Variants in PLCB1 observed in about 807,000 individuals in gnomAD.
PLCB1 encodes 1-phosphatidylinositol 4,5-bisphosphate phosphodiesterase beta-1.
In PLCB1, 46 loss-of-function variants were observed where a neutral mutation model predicts 161.8. The observed-to-expected ratio is 0.28, with a 90% CI of 0.22 to 0.36. The LOEUF (loss-of-function observed/expected upper bound fraction) is 0.36, where lower values mean the gene tolerates loss of function less well. PLCB1 is among the 10% of genes least tolerant of loss of function. PLCB1 has a pLI of 1.00. For missense variants in PLCB1, 1,016 were observed against 1,472.5 expected (o/e 0.69, Z 5.07); for synonymous variants, 517 against 503.7 (o/e 1.03, Z -0.35).
rs368814858 is a variant in PLCB1, at chr20:8,795,360, ATGT to A, written c.3423+5103_3423+5105del. Among the ~76,000 whole-genome samples the A allele has an allele frequency of 2.4e-3, 362 of 152,340 alleles. 1 individual carries two copies. Among genetic ancestry groups the A allele is most frequent in the African/African-American group, 8.3e-3 (345 of 41,578 alleles). ...TTTGGCCTCAATTTGACACAAAATG[ATGT>A]TGTACATTGCTGCACATAAGTCCCA... On this transcript the variant is annotated intron_variant, in intron 31 of 31. Coordinates refer to ENST00000338037, the MANE Select transcript of PLCB1 (RefSeq NM_015192.4).
At chr20:8,356,726 A>T (rs1986373512) in intron 2 of PLCB1, among the ~76,000 whole-genome samples, 1 of 152,188 alleles carries the variant, frequency 6.6e-6, no homozygotes, top group Non-Finnish European at 1.5e-5. Context: ...ATCTGACTTG[A>T]AATTGAAAAC....
intron 3 of PLCB1, among the ~76,000 whole-genome samples, chr20:8,617,490 A>G (rs1302009268): frequency 6.6e-6 from 1 of 152,094 alleles, no homozygotes; most frequent in Non-Finnish European, 1.5e-5. Context: ...GTGGCTTGAA[A>G]TTGGCTATGT....
chr20:8,423,290 T>TGAATAAAG (rs1392226801), intron 3 of PLCB1, among the ~76,000 whole-genome samples: 1 of 152,196 alleles, frequency 6.6e-6, no homozygotes, highest in Non-Finnish European at 1.5e-5. Context: ...ACTGAATGAA[T>TGAATAAAG]GAATAAAGGA....
At chr20:8,761,983 G>GGGT (rs915541542) in intron 25 of PLCB1, among the ~76,000 whole-genome samples, 4 of 151,598 alleles carry the variant, frequency 2.6e-5, no homozygotes, top group Admixed American at 1.3e-4. Flanking sequence ...CCAAGGGGGG[G>GGGT]GCGGATCACC....
At chr20:8,487,589 T>G (rs967277693) in intron 3 of PLCB1, among the ~76,000 whole-genome samples, 3 of 152,174 alleles carry the variant, frequency 2.0e-5, no homozygotes, top group Non-Finnish European at 4.4e-5. Flanking sequence ...GTGGCTGGGA[T>G]TCTTCAACAC....
intron 9 of PLCB1, among the ~76,000 whole-genome samples, chr20:8,670,180 T>C (rs1441514065): frequency 6.6e-6 from 1 of 152,222 alleles, no homozygotes; most frequent in African/African-American, 2.4e-5. Context: ...TCTGTTCTTA[T>C]CTTTCTATGT....
At chr20:8,509,025 C>A (rs1348982828) in intron 3 of PLCB1, among the ~76,000 whole-genome samples, 1 of 152,128 alleles carries the variant, frequency 6.6e-6, no homozygotes, top group Non-Finnish European at 1.5e-5. Context: ...GGAGGGCAGA[C>A]CACTCCGTCC....
intron 2 of PLCB1, among the ~76,000 whole-genome samples, chr20:8,313,136 T>C (rs1430048057): frequency 1.3e-5 from 2 of 152,292 alleles, no homozygotes; most frequent in African/African-American, 2.4e-5. Flanking sequence ...TTTTTTAATA[T>C]AATGGGATGC....
rs182013705 is a variant in PLCB1 at position 8,469,200 on chromosome 20, G to A, written c.246+97750G>A. Among the ~76,000 whole-genome samples the A allele has an allele frequency of 8.5e-4, 129 of 152,240 alleles. 1 individual carries two copies. The highest frequency in any genetic ancestry group is 2.9e-3 in the African/African-American group (121 of 41,552). The stretch of plus-strand genomic sequence containing the variant: ...AGGACTGAAGTATGAAATAATAGAA[G>A]CCTCCCTAAGGTGGTTTATATCCTG... On this transcript the variant is annotated intron_variant, in intron 3 of 31. Transcript: ENST00000338037.
chr20:8,717,621 C>A (rs1979394257), intron 13 of PLCB1, 50 bp from the exon 14 acceptor site: 2 of 1,451,960 alleles, frequency 1.4e-6, no homozygotes, highest in Non-Finnish European at 1.9e-6. Flanking sequence ...GGGAGGGGAT[C>A]TGAAAGAGGG....
At chr20:8,364,331 T>C (rs370921149) in intron 2 of PLCB1, among the ~76,000 whole-genome samples, 1 of 151,986 alleles carries the variant, frequency 6.6e-6, no homozygotes, top group East Asian at 1.9e-4. Flanking sequence ...GCCAAATACT[T>C]TGGAAGTAGG....
At chr20:8,785,069 G>C (rs1448129220) in intron 27 of PLCB1, among the ~76,000 whole-genome samples, 1 of 151,806 alleles carries the variant, frequency 6.6e-6, no homozygotes, top group Non-Finnish European at 1.5e-5. Context: ...ACATACAAAA[G>C]GTATGTCTGT....
At chr20:8,512,576 A>G (rs1983933667) in intron 3 of PLCB1, among the ~76,000 whole-genome samples, 1 of 151,940 alleles carries the variant, frequency 6.6e-6, no homozygotes, top group Non-Finnish European at 1.5e-5. Flanking sequence ...TTTTTAATTG[A>G]TAAATAATAA....
intron 31 of PLCB1, among the ~76,000 whole-genome samples, chr20:8,848,558 C>T (rs919633284): frequency 6.6e-6 from 1 of 152,204 alleles, no homozygotes; most frequent in Non-Finnish European, 1.5e-5. Context: ...ATGCCAGAAA[C>T]CTGGGACAAA....
rs189287307 is a variant in PLCB1 at position 8,883,751 on chromosome 20, G to T, written c.*1902G>T. ...GGAAAATCACATCCTCTTTGGAGAT[G>T]ATTATATTTTGATCTGAAGGGTTTG... On this transcript the variant is annotated 3_prime_UTR_variant, in exon 32 of 32. Transcript: ENST00000338037. 1.3e-5 allele frequency: 2 copies of T among 152,458 alleles called. No homozygotes were observed. Among genetic ancestry groups the T allele is most frequent in the African/African-American group, 2.4e-5 (1 of 41,504 alleles). The allele number at this position is 152,458 out of a possible 1,614,324, so 9.4% of individuals were successfully genotyped here. A position where few individuals can be genotyped will look rare whatever the true frequency, so the allele number is the denominator to read the frequency against.
intron 3 of PLCB1, among the ~76,000 whole-genome samples, chr20:8,506,836 G>C (rs970938378): frequency 2.6e-5 from 4 of 152,068 alleles, no homozygotes; most frequent in African/African-American, 9.7e-5. Flanking sequence ...TATTGGAATT[G>C]TACTTTTTAA....
chr20:8,582,671 C>T (rs1162834164), intron 3 of PLCB1, among the ~76,000 whole-genome samples: 1 of 152,054 alleles, frequency 6.6e-6, no homozygotes, highest in Non-Finnish European at 1.5e-5. Context: ...TATATCCATA[C>T]AATGTAATAT....
At chr20:8,861,937 C>G (rs1052923865) in intron 31 of PLCB1, among the ~76,000 whole-genome samples, 3 of 152,056 alleles carry the variant, frequency 2.0e-5, no homozygotes, top group Non-Finnish European at 4.4e-5. Flanking sequence ...TATTGGAAAA[C>G]ATTGAAAACA....
chr20:8,672,346 A>G (rs1989967764), intron 9 of PLCB1, among the ~76,000 whole-genome samples: 2 of 152,178 alleles, frequency 1.3e-5, no homozygotes, highest in Admixed American at 6.5e-5. Context: ...AAATATTTTA[A>G]ATCATGAAAC....
Sources: gnomAD v4.1 joint callset for allele counts (sites outside exome capture counted in the v4.1 genomes callset) on GRCh38, gnomAD v4.1.1 for gene constraint, MANE v1.5 for transcripts, NCBI Gene and HGNC (gene_info 2026-07-23, HGNC 2026-07-21) for gene names.